Variants in NXPE2 observed in about 807,000 individuals in gnomAD.
The protein encoded by NXPE2 is NXPE family member 2.
Under a neutral mutation model 34.4 loss-of-function variants are expected in NXPE2, and 34 were observed. The ratio of observed to expected loss-of-function variants is 0.99; its 90% CI spans 0.75 to 1.31. The LOEUF is 1.31. Among genes scored for constraint, NXPE2 ranks in the 40% most tolerant of loss-of-function variants. The pLI, the probability that NXPE2 is intolerant of heterozygous loss-of-function variation, is 0.00. For missense variants in NXPE2, 649 were observed against 672.5 expected (o/e 0.97, Z 0.39); for synonymous variants, 235 against 231.3 (o/e 1.02, Z -0.15).
the NXPE2 span, among the ~76,000 whole-genome samples, chr11:114,640,150 T>C: frequency 2.3e-5 from 2 of 85,878 alleles, no homozygotes; most frequent in Non-Finnish European, 4.2e-5. Flanking sequence ...TAATATATGA[T>C]ATATTAATAA....
chr11:114,812,998 C>T, the NXPE2 span, among the ~76,000 whole-genome samples: 725 of 152,248 alleles, frequency 4.8e-3, 10 homozygotes, highest in Middle Eastern at 0.014. Context: ...AGGCCGGCAG[C>T]GAGGTGCCCT....
At chr11:114,740,897 GACTCCTTA>G in the NXPE2 span, among the ~76,000 whole-genome samples, 1 of 152,146 alleles carries the variant, frequency 6.6e-6, no homozygotes, top group Non-Finnish European at 1.5e-5. Context: ...TTTGATGGAT[GACTCCTTA>G]ATCATCAAAT....
At chr11:114,527,734 T>C in the NXPE2 span, 1 of 664,280 alleles carries the variant, frequency 1.5e-6, no homozygotes. Flanking sequence ...ATTGACATCA[T>C]AGACATCTGC....
At chr11:114,583,331 GC>G in the NXPE2 span, 2 of 620,746 alleles carry the variant, frequency 3.2e-6, no homozygotes, top group Non-Finnish European at 3.1e-6. Context: ...TTATGGACAA[GC>G]CCACCCAAGG....
At chr11:114,538,634 C>G in the NXPE2 span, among the ~76,000 whole-genome samples, 2 of 152,206 alleles carry the variant, frequency 1.3e-5, no homozygotes, top group African/African-American at 4.8e-5. Flanking sequence ...TGAACAGACA[C>G]TTCTCAATAG....
chr11:114,602,693 CAT>C, the NXPE2 span, among the ~76,000 whole-genome samples: 4 of 138,896 alleles, frequency 2.9e-5, no homozygotes, highest in Non-Finnish European at 4.5e-5. Context: ...ATAATTATCT[CAT>C]ATATAATAAT....
chr11:114,663,696 A>C, the NXPE2 span, among the ~76,000 whole-genome samples: 2 of 151,040 alleles, frequency 1.3e-5, no homozygotes, highest in African/African-American at 4.9e-5. Context: ...CTATCTATCT[A>C]TCTATCTATC....
chr11:114,679,546 C>G (rs942049752), intron 1 of NXPE2, 111 bp from the exon 2 acceptor site: 4 of 592,516 alleles, frequency 6.8e-6, no homozygotes, highest in Non-Finnish European at 8.6e-6. Context: ...TTTGGAAAAC[C>G]CAGGATAACA....
downstream of NXPE2, among the ~76,000 whole-genome samples, chr11:114,709,910 A>T (rs184156859): frequency 3.2e-3 from 486 of 152,136 alleles, 1 homozygote; most frequent in African/African-American, 0.011. Flanking sequence ...TCAAAAAACA[A>T]AAAAGAAAAA....
upstream of NXPE2, among the ~76,000 whole-genome samples, chr11:114,676,747 G>A (rs1471121193): frequency 1.3e-5 from 2 of 151,902 alleles, no homozygotes; most frequent in African/African-American, 2.4e-5. Context: ...CAGCAATCCC[G>A]CTAATGGGTA....
the NXPE2 span, among the ~76,000 whole-genome samples, chr11:114,808,077 C>G: frequency 6.6e-6 from 1 of 152,196 alleles, no homozygotes; most frequent in African/African-American, 2.4e-5. Flanking sequence ...ACTGAACAAC[C>G]TGCTCCTGAA....
chr11:114,649,680 G>A, the NXPE2 span, among the ~76,000 whole-genome samples: 2 of 152,188 alleles, frequency 1.3e-5, no homozygotes, highest in African/African-American at 4.8e-5. Flanking sequence ...GACTGGAGGC[G>A]GGGGTAACAG....
the NXPE2 span, among the ~76,000 whole-genome samples, chr11:114,609,462 G>A: frequency 7.2e-5 from 11 of 151,968 alleles, no homozygotes; most frequent in African/African-American, 2.4e-4. Context: ...TTACCCAATG[G>A]ATAATAAGTG....
chr11:114,497,787 G>A, the NXPE2 span, among the ~76,000 whole-genome samples: 1,366 of 152,250 alleles, frequency 9.0e-3, 30 homozygotes, highest in African/African-American at 0.031. Context: ...ATTAAGCATC[G>A]TTTAAAATAA....
chr11:114,583,374 T>A, the NXPE2 span: 2 of 623,340 alleles, frequency 3.2e-6, no homozygotes, highest in Non-Finnish European at 6.2e-6. Flanking sequence ...ACTCATAATT[T>A]GCTGCTCAAC....
the NXPE2 span, among the ~76,000 whole-genome samples, chr11:114,648,308 G>A: frequency 2.0e-5 from 3 of 152,076 alleles, no homozygotes; most frequent in South Asian, 2.1e-4. Context: ...AAGCTGGTAG[G>A]TTGAAGGTCC....
chr11:114,628,795 A>G, the NXPE2 span, among the ~76,000 whole-genome samples: 1 of 151,964 alleles, frequency 6.6e-6, no homozygotes, highest in South Asian at 2.1e-4. Flanking sequence ...AATGAAAAAA[A>G]GAGAGAAGAA....
intron 2 of NXPE2, 48 bp from the exon 3 acceptor site, chr11:114,697,997 G>C (rs1303404383): frequency 1.4e-6 from 2 of 1,420,754 alleles, no homozygotes; most frequent in South Asian, 3.2e-5. Context: ...TGAAAAGCAA[G>C]CCCTATTGTT....
the NXPE2 span, among the ~76,000 whole-genome samples, chr11:114,653,168 T>C: frequency 6.6e-6 from 1 of 152,334 alleles, no homozygotes; most frequent in East Asian, 1.9e-4. Flanking sequence ...GTTATAAAAG[T>C]ATCTGGAGAA....
Sources: allele counts gnomAD v4.1 joint callset (sites outside exome capture counted in the v4.1 genomes callset), GRCh38; gene constraint gnomAD v4.1.1; transcripts MANE v1.5; gene names NCBI Gene and HGNC (gene_info 2026-07-23, HGNC 2026-07-21).